SLIT3: variants seen among roughly 807,000 people sequenced by gnomAD.
SLIT3 encodes the protein slit guidance ligand 3.
SLIT3 carries 68 observed loss-of-function variants against 184.0 expected under a neutral mutation model. The observed-to-expected ratio is 0.37, with a 90% CI of 0.30 to 0.45. The LOEUF (loss-of-function observed/expected upper bound fraction) is 0.45, where lower values mean the gene tolerates loss of function less well. Among genes scored for constraint, SLIT3 ranks in the 20% least tolerant of loss-of-function variants. The pLI is 1.00. For missense variants in SLIT3, 1,707 were observed against 2,026.0 expected (o/e 0.84, Z 3.02); for synonymous variants, 831 against 828.6 (o/e 1.00, Z -0.05).
intron 6 of SLIT3, among the ~76,000 whole-genome samples, chr5:168,833,355 C>T (rs1371922836): frequency 6.6e-6 from 1 of 152,188 alleles, no homozygotes. Context: ...GGGAGTCTCC[C>T]AGGAAGCTGA....
At chr5:168,692,470 T>G in intron 29 of SLIT3, 137 bp downstream of exon 29, 1 of 610,812 alleles carries the variant, frequency 1.6e-6, no homozygotes, top group Non-Finnish European at 2.9e-6. Flanking sequence ...AATTAGATCA[T>G]GGCTGAATCA....
chr5:168,803,076 G>C (rs1756826297), intron 9 of SLIT3, among the ~76,000 whole-genome samples: 1 of 152,090 alleles, frequency 6.6e-6, no homozygotes, highest in Admixed American at 6.6e-5. Flanking sequence ...TCAGACTTTT[G>C]GATTTCAAAG....
Position 168,733,242 on chromosome 5 carries a change from C to G in SLIT3, c.2271-8758G>C, listed in dbSNP as rs564598859. On this transcript the variant is annotated intron_variant, in intron 20 of 35. Coordinates refer to ENST00000519560, the MANE Select transcript of SLIT3 (RefSeq NM_003062.4). ...GCCAATCAGAACCACAGTGAGATAC[C>G]ATATCATATCAGCAGAATGACCATT... Among the ~76,000 whole-genome samples the G allele has an allele frequency of 2.4e-3, 365 of 152,106 alleles. 2 individuals carry two copies. The highest frequency in any genetic ancestry group is 8.2e-3 in the African/African-American group (342 of 41,478).
chr5:169,115,670 A>T (rs1056034890), intron 4 of SLIT3, among the ~76,000 whole-genome samples: 1 of 152,232 alleles, frequency 6.6e-6, no homozygotes, highest in Non-Finnish European at 1.5e-5. Flanking sequence ...TGATAATCAT[A>T]CACTGAGCAC....
At chr5:168,947,161 A>G (rs1200116283) in intron 4 of SLIT3, among the ~76,000 whole-genome samples, 9 of 152,222 alleles carry the variant, frequency 5.9e-5, no homozygotes, top group Admixed American at 5.2e-4. Flanking sequence ...ATAAATATGC[A>G]AGTATTTAAA....
intron 20 of SLIT3, among the ~76,000 whole-genome samples, chr5:168,733,983 A>G (rs566559708): frequency 2.0e-5 from 3 of 152,222 alleles, no homozygotes; most frequent in African/African-American, 7.2e-5. Context: ...GAGCATGACA[A>G]TGGGTACACA....
At chr5:168,972,524 G>A (rs1222732057) in intron 4 of SLIT3, among the ~76,000 whole-genome samples, 2 of 152,008 alleles carry the variant, frequency 1.3e-5, no homozygotes, top group Non-Finnish European at 2.9e-5. Flanking sequence ...TTCCCCACTT[G>A]TCAACTGAGT....
At chr5:168,969,069 A>T (rs1418069805) in intron 4 of SLIT3, among the ~76,000 whole-genome samples, 4 of 152,216 alleles carry the variant, frequency 2.6e-5, no homozygotes, top group Non-Finnish European at 5.9e-5. Flanking sequence ...AAGATACACC[A>T]AACTTGAAGT....
At chr5:168,840,721 G>A (rs1237535609) in intron 6 of SLIT3, among the ~76,000 whole-genome samples, 3 of 152,214 alleles carry the variant, frequency 2.0e-5, no homozygotes, top group Non-Finnish European at 4.4e-5. Context: ...TTGAGTAACA[G>A]CAGAGGGTCT....
chr5:169,178,885 T>G (rs188407475), intron 4 of SLIT3, among the ~76,000 whole-genome samples: 4 of 152,326 alleles, frequency 2.6e-5, no homozygotes, highest in Non-Finnish European at 2.9e-5. Context: ...TTATTGCTCT[T>G]GAGCAAATAA....
chr5:168,929,115 G>A (rs528265742), intron 4 of SLIT3, among the ~76,000 whole-genome samples: 1 of 152,190 alleles, frequency 6.6e-6, no homozygotes, highest in African/African-American at 2.4e-5. Flanking sequence ...CTCTAATTGT[G>A]TCCATTTCAC....
At chr5:168,907,015 C>A (rs1308246951) in intron 4 of SLIT3, among the ~76,000 whole-genome samples, 1 of 152,128 alleles carries the variant, frequency 6.6e-6, no homozygotes, top group African/African-American at 2.4e-5. Flanking sequence ...TGCACGCCAC[C>A]AAGCCCGGCT....
chr5:169,117,609 G>A (rs1257129593), intron 4 of SLIT3, among the ~76,000 whole-genome samples: 4 of 152,148 alleles, frequency 2.6e-5, no homozygotes, highest in Non-Finnish European at 5.9e-5. Context: ...TGGGGAAGAG[G>A]AATGGAGGAT....
intron 4 of SLIT3, among the ~76,000 whole-genome samples, chr5:169,149,320 A>T (rs892629474): frequency 8.6e-5 from 13 of 151,210 alleles, no homozygotes; most frequent in Non-Finnish European, 1.8e-4. Flanking sequence ...GCCTAAACTT[A>T]TGAGAGAATA....
intron 4 of SLIT3, among the ~76,000 whole-genome samples, chr5:168,975,580 C>T (rs1356388940): frequency 1.3e-5 from 2 of 152,180 alleles, no homozygotes; most frequent in South Asian, 2.1e-4. Context: ...CAGGCACACA[C>T]CCACAGGATG....
chr5:168,851,527 C>T (rs376808007), intron 5 of SLIT3, among the ~76,000 whole-genome samples: 18 of 152,100 alleles, frequency 1.2e-4, no homozygotes, highest in East Asian at 1.2e-3. Flanking sequence ...AACTTTTAGA[C>T]GAGGGGACCA....
chr5:169,105,348 G>A (rs1386988696), intron 4 of SLIT3, among the ~76,000 whole-genome samples: 1 of 152,134 alleles, frequency 6.6e-6, no homozygotes, highest in Non-Finnish European at 1.5e-5. Flanking sequence ...TGCACAGATC[G>A]AGGAGGCTTT....
chr5:169,229,637 A>C (rs1346960339), intron 3 of SLIT3, among the ~76,000 whole-genome samples: 2 of 110,310 alleles, frequency 1.8e-5, no homozygotes, highest in African/African-American at 7.2e-5. Flanking sequence ...TAGTCAAATA[A>C]ATTCTTCTCT....
chr5:168,817,251 G>T (rs67968410), intron 8 of SLIT3, 49 bp downstream of exon 8: 6 of 1,558,222 alleles, frequency 3.9e-6, no homozygotes, highest in Non-Finnish European at 5.3e-6. Context: ...GGAGCTCATG[G>T]GTGGGTGGGT....
Sources: gnomAD v4.1 joint callset for allele counts (sites outside exome capture counted in the v4.1 genomes callset) on GRCh38, gnomAD v4.1.1 for gene constraint, MANE v1.5 for transcripts, NCBI Gene and HGNC (gene_info 2026-07-23, HGNC 2026-07-21) for gene names.